The following GPC5 variants were observed in gnomAD, a reference collection of about 807,000 sequenced individuals.
GPC5 encodes glypican 5.
GPC5 carries 47 observed loss-of-function variants against 53.9 expected under a neutral mutation model. The observed-to-expected ratio is 0.87, with a 90% CI of 0.69 to 1.11. The LOEUF is 1.11. Ranked by LOEUF, GPC5 falls within the 50% of genes most tolerant of loss-of-function variation. The probability of loss-of-function intolerance (pLI) is 0.00; values close to 1 mark genes in which losing one functional copy is unlikely to be tolerated. For missense variants in GPC5, 748 were observed against 713.1 expected (o/e 1.05, Z -0.56); for synonymous variants, 286 against 263.3 (o/e 1.09, Z -0.84).
intron 2 of GPC5, among the ~76,000 whole-genome samples, chr13:91,686,929 A>G (rs529008797): frequency 6.6e-6 from 1 of 152,130 alleles, no homozygotes; most frequent in Non-Finnish European, 1.5e-5. Context: ...TCAATCAGAT[A>G]TACATTGTAA....
chr13:92,439,618 A>G (rs1877466013), intron 7 of GPC5, among the ~76,000 whole-genome samples: 1 of 152,170 alleles, frequency 6.6e-6, no homozygotes, highest in Non-Finnish European at 1.5e-5. Flanking sequence ...GTAGTCCTGT[A>G]TCACTGGATG....
intron 2 of GPC5, among the ~76,000 whole-genome samples, chr13:91,625,881 C>T (rs1369802274): frequency 1.3e-5 from 2 of 151,964 alleles, no homozygotes; most frequent in East Asian, 1.9e-4. Context: ...CTTAAATATT[C>T]ATTTTCCTCA....
chr13:92,675,676 T>C (rs1373812549), intron 7 of GPC5, among the ~76,000 whole-genome samples: 1 of 152,138 alleles, frequency 6.6e-6, no homozygotes, highest in Non-Finnish European at 1.5e-5. Flanking sequence ...GTTTCTTATA[T>C]GAATCTTATA....
intron 7 of GPC5, among the ~76,000 whole-genome samples, chr13:92,576,462 A>C (rs1476389180): frequency 6.6e-6 from 1 of 152,194 alleles, no homozygotes; most frequent in African/African-American, 2.4e-5. Context: ...ACATGCATCA[A>C]GTTTTACAAA....
At chr13:92,621,940 C>T (rs941713611) in intron 7 of GPC5, among the ~76,000 whole-genome samples, 2 of 151,896 alleles carry the variant, frequency 1.3e-5, no homozygotes, top group Non-Finnish European at 2.9e-5. Context: ...ACAAAAACAA[C>T]AATAATAATA....
At chr13:92,083,570 T>C (rs1005704920) in intron 6 of GPC5, among the ~76,000 whole-genome samples, 5 of 152,150 alleles carry the variant, frequency 3.3e-5, no homozygotes, top group Non-Finnish European at 5.9e-5. Flanking sequence ...ACTTAAAGTA[T>C]AATTTAAAAA....
At chr13:92,341,334 A>G (rs1028548975) in intron 7 of GPC5, among the ~76,000 whole-genome samples, 2 of 152,090 alleles carry the variant, frequency 1.3e-5, no homozygotes, top group Non-Finnish European at 2.9e-5. Context: ...CTAATCTTTA[A>G]AGGCATACTG....
intron 1 of GPC5, among the ~76,000 whole-genome samples, chr13:91,436,030 G>T (rs1879915075): frequency 6.6e-6 from 1 of 152,174 alleles, no homozygotes; most frequent in Admixed American, 6.6e-5. Flanking sequence ...GATTGGTGGT[G>T]ATATCCCCTT....
Position 92,051,077 on chromosome 13 carries a change from T to G in GPC5, c.1402-93753T>G, listed in dbSNP as rs371536021. ...CTTTAAAAGCATCATAATTAATAATTGCCTATGTAGTGCCTCCCAAACTTT... is the reference window on the plus strand; with the variant it reads ...CTTTAAAAGCATCATAATTAATAATGGCCTATGTAGTGCCTCCCAAACTTT... On this transcript the variant is annotated intron_variant, in intron 6 of 7. Coordinates refer to ENST00000377067, the MANE Select transcript of GPC5 (RefSeq NM_004466.6). Among the ~76,000 whole-genome samples the G allele has an allele frequency of 6.6e-5, 10 of 152,296 alleles. No individual in the cohort carries two copies. In the East Asian group the frequency reaches 1.3e-3, roughly 21 times the overall value.
intron 7 of GPC5, among the ~76,000 whole-genome samples, chr13:92,716,601 C>G (rs990350801): frequency 1.3e-5 from 2 of 152,058 alleles, no homozygotes; most frequent in African/African-American, 4.8e-5. Flanking sequence ...TTTATAGTAT[C>G]TGGCACAATG....
chr13:91,423,311 T>G (rs547876730), intron 1 of GPC5, among the ~76,000 whole-genome samples: 2 of 152,232 alleles, frequency 1.3e-5, no homozygotes, highest in South Asian at 2.1e-4. Flanking sequence ...GCTTTGTGGC[T>G]GTTTTTATTA....
chr13:91,685,000 T>C (rs1220909654), intron 2 of GPC5, among the ~76,000 whole-genome samples: 2 of 152,166 alleles, frequency 1.3e-5, no homozygotes, highest in African/African-American at 4.8e-5. Context: ...CATCTTTTCA[T>C]AGCTGGCTCT....
chr13:91,829,351 C>G (rs1566290283), intron 5 of GPC5, among the ~76,000 whole-genome samples: 1 of 151,880 alleles, frequency 6.6e-6, no homozygotes, highest in South Asian at 2.1e-4. Context: ...AGTATGGCAA[C>G]TAAATGCAGG....
chr13:92,458,289 T>A (rs1878348888), intron 7 of GPC5, among the ~76,000 whole-genome samples: 2 of 135,658 alleles, frequency 1.5e-5, no homozygotes, highest in South Asian at 5.3e-4. Flanking sequence ...ACATACTAGT[T>A]ATTATTCTTT....
intron 7 of GPC5, among the ~76,000 whole-genome samples, chr13:92,772,495 A>G (rs978944683): frequency 6.6e-6 from 1 of 152,128 alleles, no homozygotes. Flanking sequence ...TTTTTGGTTC[A>G]ATTTCCTCCT....
intron 2 of GPC5, among the ~76,000 whole-genome samples, chr13:91,527,949 A>T (rs1468148932): frequency 1.3e-5 from 2 of 152,144 alleles, no homozygotes; most frequent in East Asian, 3.9e-4. Context: ...TGTGCAGAGC[A>T]CTGAGGCCCT....
rs559828396 is a variant in GPC5 at position 92,282,208 on chromosome 13, A to T, written c.1561+137219A>T. Among the ~76,000 whole-genome samples, 4 of 152,332 alleles carry T rather than the reference A, an allele frequency of 2.6e-5. No homozygotes were observed. In the East Asian group the frequency reaches 7.7e-4, roughly 29 times the overall value. ...GAGAAGTTTAGAGAAAAAAGAGTAA[A>T]AAGAAATGAACAAAGCCTCCAAGAA... On this transcript the variant is annotated intron_variant, in intron 7 of 7. Coordinates refer to ENST00000377067, the MANE Select transcript of GPC5 (RefSeq NM_004466.6).
At chr13:92,015,677 G>C (rs1448901144) in intron 6 of GPC5, among the ~76,000 whole-genome samples, 2 of 152,262 alleles carry the variant, frequency 1.3e-5, no homozygotes, top group South Asian at 2.1e-4. Context: ...TTTTAATTCT[G>C]TAGGTGGAAT....
rs905759088 is a variant in GPC5 at position 92,518,384 on chromosome 13, C to T, written c.1562-347898C>T. 5.9e-5 allele frequency among the ~76,000 whole-genome samples: 9 copies of T among 152,138 alleles called. No individual in the cohort carries two copies. The East Asian group carries it at 7.7e-4, about 13-fold the overall frequency. ...GTTAAAGGCAGCCAGAGAGAAAGGTCGGGTTACCCACAAAGGGAACCCCAT... is the reference window on the plus strand; with the variant it reads ...GTTAAAGGCAGCCAGAGAGAAAGGTTGGGTTACCCACAAAGGGAACCCCAT... On this transcript the variant is annotated intron_variant, in intron 7 of 7. Transcript: ENST00000377067.
Sources: gnomAD v4.1 joint callset for allele counts (sites outside exome capture counted in the v4.1 genomes callset) on GRCh38, gnomAD v4.1.1 for gene constraint, MANE v1.5 for transcripts, NCBI Gene and HGNC (gene_info 2026-07-23, HGNC 2026-07-21) for gene names.